The following EYS variants were observed in gnomAD, a reference collection of about 807,000 sequenced individuals.
The protein encoded by EYS is protein eyes shut homolog.
Under a neutral mutation model 282.1 loss-of-function variants are expected in EYS, and 250 were observed. The observed-to-expected ratio is 0.89, with a 90% CI of 0.80 to 0.98. The LOEUF (loss-of-function observed/expected upper bound fraction) is 0.98. Ranked by LOEUF, EYS falls within the 50% of genes least tolerant of loss-of-function variation. The pLI, the probability that EYS is intolerant of heterozygous loss-of-function variation, is 0.00. For missense variants in EYS, 4,016 were observed against 3,709.0 expected, an observed-to-expected ratio of 1.08 and a Z score of -2.15; for synonymous variants, 1,355 against 1,282.9, an observed-to-expected ratio of 1.06 and a Z score of -1.20.
At chr6:65,215,585 G>T (rs1366444229) in intron 12 of EYS, among the ~76,000 whole-genome samples, 1 of 152,186 alleles carries the variant, frequency 6.6e-6, no homozygotes, top group Non-Finnish European at 1.5e-5. Context: ...CTTAGTTCAT[G>T]AAACCATGGC....
chr6:64,092,776 T>C (rs1394277613), intron 31 of EYS, among the ~76,000 whole-genome samples: 1 of 151,598 alleles, frequency 6.6e-6, no homozygotes, highest in Non-Finnish European at 1.5e-5. Flanking sequence ...CATTTGTCAA[T>C]TTTGGCTTTT....
At chr6:64,512,014 C>T (rs1056340173) in intron 26 of EYS, among the ~76,000 whole-genome samples, 1 of 152,022 alleles carries the variant, frequency 6.6e-6, no homozygotes, top group Admixed American at 6.6e-5. Flanking sequence ...ATACCTTGTC[C>T]TTTCTGAAAC....
intron 22 of EYS, among the ~76,000 whole-genome samples, chr6:64,732,131 G>A (rs969059341): frequency 7.2e-5 from 11 of 151,884 alleles, no homozygotes; most frequent in Admixed American, 5.9e-4. Flanking sequence ...TGGACACAGG[G>A]AGAGGAACAT....
At chr6:65,298,719 C>T (rs942971078) in intron 11 of EYS, among the ~76,000 whole-genome samples, 3 of 151,042 alleles carry the variant, frequency 2.0e-5, no homozygotes, top group African/African-American at 7.3e-5. Flanking sequence ...CCTACCTACA[C>T]ATACATATTT....
chr6:64,983,996 C>G (rs1770767661), intron 14 of EYS, among the ~76,000 whole-genome samples: 2 of 151,318 alleles, frequency 1.3e-5, no homozygotes, highest in Non-Finnish European at 3.0e-5. Flanking sequence ...GCAGAGACTA[C>G]TCAACTCCAG....
chr6:65,487,870 C>T (rs12648644), intron 5 of EYS, among the ~76,000 whole-genome samples: 32 of 152,076 alleles, frequency 2.1e-4, no homozygotes, highest in Non-Finnish European at 4.7e-4. Context: ...CTGGTCTATT[C>T]AGAGATTCAA....
At chr6:64,374,428 A>G (rs1255748626) in intron 29 of EYS, among the ~76,000 whole-genome samples, 1 of 145,194 alleles carries the variant, frequency 6.9e-6, no homozygotes, top group Non-Finnish European at 1.5e-5. Context: ...GGGTGGGTGC[A>G]GGGGAGCTGG....
chr6:64,035,129 T>C (rs1034016791), intron 33 of EYS, among the ~76,000 whole-genome samples: 3 of 152,188 alleles, frequency 2.0e-5, no homozygotes, highest in African/African-American at 7.2e-5. Context: ...AGCAAAGACT[T>C]ATCTGGTCCT....
At chr6:64,423,681 G>C (rs1303319524) in intron 28 of EYS, among the ~76,000 whole-genome samples, 2 of 152,072 alleles carry the variant, frequency 1.3e-5, no homozygotes, top group Non-Finnish European at 2.9e-5. Flanking sequence ...GGTGGCGTGT[G>C]CCTGTAATCC....
chr6:65,039,907 A>G (rs1262315641), intron 13 of EYS, among the ~76,000 whole-genome samples: 1 of 151,640 alleles, frequency 6.6e-6, no homozygotes, highest in Non-Finnish European at 1.5e-5. Flanking sequence ...AATAAAATAA[A>G]TATTACCTCA....
At chr6:63,934,260 G>T (rs1457084746) in intron 35 of EYS, among the ~76,000 whole-genome samples, 1 of 152,192 alleles carries the variant, frequency 6.6e-6, no homozygotes, top group East Asian at 1.9e-4. Flanking sequence ...ACAGGTGCTG[G>T]AGAGGATGTG....
At chr6:64,126,252 C>T (rs1312774236) in intron 31 of EYS, among the ~76,000 whole-genome samples, 1 of 151,640 alleles carries the variant, frequency 6.6e-6, no homozygotes, top group Non-Finnish European at 1.5e-5. Context: ...GGCACATGCA[C>T]ACGTATGTTT....
At chr6:64,843,413 C>A (rs1765624663) in intron 19 of EYS, among the ~76,000 whole-genome samples, 1 of 152,118 alleles carries the variant, frequency 6.6e-6, no homozygotes, top group South Asian at 2.1e-4. Context: ...GGGCTATACC[C>A]TGAAAAGCCA....
intron 35 of EYS, among the ~76,000 whole-genome samples, chr6:63,903,693 G>A (rs1404382485): frequency 2.0e-5 from 3 of 152,154 alleles, no homozygotes; most frequent in African/African-American, 7.2e-5. Flanking sequence ...TAAGCTCCAT[G>A]AAAGCAGGGA....
At chr6:65,568,920 T>C (rs1764378156) in intron 2 of EYS, among the ~76,000 whole-genome samples, 1 of 152,190 alleles carries the variant, frequency 6.6e-6, no homozygotes, top group Non-Finnish European at 1.5e-5. Context: ...ATCTTGCCTC[T>C]AACTTCCAAA....
chr6:65,471,909 A>T (rs1765231298), intron 5 of EYS, among the ~76,000 whole-genome samples: 1 of 152,088 alleles, frequency 6.6e-6, no homozygotes, highest in African/African-American at 2.4e-5. Flanking sequence ...TTAAAAACTA[A>T]ATATAGAACC....
At chr6:65,315,019 C>T (rs1769262713) in intron 11 of EYS, among the ~76,000 whole-genome samples, 1 of 151,964 alleles carries the variant, frequency 6.6e-6, no homozygotes, top group Non-Finnish European at 1.5e-5. Flanking sequence ...CACTGAATAC[C>T]CGTTCAAATG....
At chr6:64,533,633 A>G (rs1302341061) in intron 26 of EYS, among the ~76,000 whole-genome samples, 2 of 152,010 alleles carry the variant, frequency 1.3e-5, no homozygotes, top group African/African-American at 4.8e-5. Flanking sequence ...TTTTAGGCAA[A>G]ATAAAAGCTG....
At chr6:65,295,693 A>T (rs2150286039) in intron 12 of EYS, 170 bp downstream of exon 12, 2 of 625,178 alleles carry the variant, frequency 3.2e-6, no homozygotes, top group South Asian at 2.2e-5. Context: ...CCAAAGAAGC[A>T]ATCCTATTAT....
Sources: allele counts gnomAD v4.1 joint callset (sites outside exome capture counted in the v4.1 genomes callset), GRCh38; gene constraint gnomAD v4.1.1; transcripts MANE v1.5; gene names NCBI Gene and HGNC (gene_info 2026-07-23, HGNC 2026-07-21).